Variants in DIS3L2 observed in about 807,000 individuals in gnomAD.
DIS3L2 encodes DIS3 like 3'-5' exoribonuclease 2.
In DIS3L2, 34 loss-of-function variants were observed where a neutral mutation model predicts 97.5. The observed-to-expected ratio is 0.35, with a 90% CI of 0.27 to 0.46. DIS3L2 has a LOEUF of 0.46. DIS3L2 is among the 20% of genes least tolerant of loss of function. The pLI, the probability that DIS3L2 is intolerant of heterozygous loss-of-function variation, is 1.00. For missense variants in DIS3L2, 1,038 were observed against 1,146.0 expected (o/e 0.91, Z 1.36); for synonymous variants, 435 against 445.2 (o/e 0.98, Z 0.29).
At chr2:232,335,087 A>C (rs543392575) in intron 19 of DIS3L2, 4 of 246,774 alleles carry the variant, frequency 1.6e-5, no homozygotes, top group Non-Finnish European at 3.2e-5. Context: ...GTGTCCCCTG[A>C]AGACAAGGAA....
At chr2:232,080,258 A>T (rs1296253944) in intron 5 of DIS3L2, among the ~76,000 whole-genome samples, 1 of 152,044 alleles carries the variant, frequency 6.6e-6, no homozygotes, top group Admixed American at 6.5e-5. Flanking sequence ...CTGCTGAGAG[A>T]GTGTGCTGGG....
chr2:232,060,506 G>T (rs1340389489), intron 5 of DIS3L2, among the ~76,000 whole-genome samples: 2 of 151,968 alleles, frequency 1.3e-5, no homozygotes, highest in African/African-American at 4.8e-5. Context: ...TCTCTATTCT[G>T]TTCTCTATGT....
At chr2:232,085,071 T>G (rs1041554021) in intron 5 of DIS3L2, among the ~76,000 whole-genome samples, 12 of 152,194 alleles carry the variant, frequency 7.9e-5, no homozygotes, top group Non-Finnish European at 1.8e-4. Context: ...TTGTGTTACT[T>G]TTAATTAGAA....
In DIS3L2 at chr2:232,023,966, A is replaced by G. The variant is rs3116228; in HGVS notation, c.211-311A>G. Among the ~76,000 whole-genome samples the G allele has an allele frequency of 0.78, 118,183 of 152,050 alleles. 46,544 individuals are homozygous for G. Among genetic ancestry groups the G allele is most frequent in the African/African-American group, 0.89 (36,995 of 41,498 alleles). ...TTGTAAAGTCAAGGTTTAAATTTGA[A>G]GACTAGCATATAGGGGCATCTAAAA... On this transcript the variant is annotated intron_variant, in intron 3 of 20. Coordinates refer to ENST00000325385, the MANE Select transcript of DIS3L2 (RefSeq NM_152383.5).
intron 5 of DIS3L2, among the ~76,000 whole-genome samples, chr2:232,054,344 A>C (rs184709422): frequency 1.3e-5 from 2 of 152,242 alleles, no homozygotes; most frequent in Non-Finnish European, 2.9e-5. Context: ...AAATGGATCC[A>C]TAGAGGCTTA....
chr2:232,160,610 T>C (rs563534340), intron 8 of DIS3L2, among the ~76,000 whole-genome samples: 1 of 152,222 alleles, frequency 6.6e-6, no homozygotes, highest in South Asian at 2.1e-4. Context: ...GTGTGGTGGC[T>C]CAAAGCTGTA....
At chr2:232,282,680 G>A (rs773468245) in intron 13 of DIS3L2, among the ~76,000 whole-genome samples, 4 of 152,196 alleles carry the variant, frequency 2.6e-5, no homozygotes, top group Non-Finnish European at 5.9e-5. Flanking sequence ...TATCCATGCA[G>A]CACCTAATTC....
At chr2:231,963,214 C>G (rs1272285001) in intron 1 of DIS3L2, among the ~76,000 whole-genome samples, 3 of 152,140 alleles carry the variant, frequency 2.0e-5, no homozygotes, top group South Asian at 2.1e-4. Context: ...TTAAATGTTC[C>G]CTTTCCAAGG....
chr2:232,044,025 A>G (rs180906362), intron 5 of DIS3L2, among the ~76,000 whole-genome samples: 37 of 152,340 alleles, frequency 2.4e-4, no homozygotes, highest in Admixed American at 1.7e-3. Flanking sequence ...TTGGAAAACT[A>G]CAGATATTAT....
chr2:232,040,362 A>C (rs1262912063), intron 5 of DIS3L2, among the ~76,000 whole-genome samples: 1 of 152,094 alleles, frequency 6.6e-6, no homozygotes, highest in African/African-American at 2.4e-5. Context: ...AACTCTTCTG[A>C]GGATCCTGCC....
intron 10 of DIS3L2, among the ~76,000 whole-genome samples, chr2:232,231,155 T>C (rs907299272): frequency 3.9e-5 from 6 of 152,222 alleles, no homozygotes; most frequent in African/African-American, 1.2e-4. Context: ...CCCACTAGAC[T>C]GGAAGCTTGA....
chr2:232,059,891 G>A (rs1695654912), intron 5 of DIS3L2, among the ~76,000 whole-genome samples: 1 of 152,046 alleles, frequency 6.6e-6, no homozygotes, highest in Admixed American at 6.6e-5. Flanking sequence ...ATATTGGACT[G>A]GGCACCTAGG....
Position 232,037,364 on chromosome 2 carries a change from C to A in DIS3L2, c.366+7284C>A, listed in dbSNP as rs3100609. ...GGGGAAAACCGCCTACTTAAGCCTC[C>A]GTAATGGCAGACGCCCCTCCCCACC... On this transcript the variant is annotated intron_variant, in intron 5 of 20. Transcript: ENST00000325385. The surrounding 1 kb of genome is among the most constrained non-coding windows in gnomAD (Gnocchi z 4.6). 0.93 allele frequency among the ~76,000 whole-genome samples: 141,652 copies of A among 152,244 alleles called. 65,979 individuals carry two copies. Among genetic ancestry groups the A allele is most frequent in the East Asian group, 1 (5,150 of 5,166 alleles).
chr2:232,082,085 C>T (rs574862108), intron 5 of DIS3L2, among the ~76,000 whole-genome samples: 27 of 152,244 alleles, frequency 1.8e-4, no homozygotes, highest in Admixed American at 1.5e-3. Flanking sequence ...CCACCGTGCC[C>T]GGCCTCACAT....
At chr2:232,082,915 G>A (rs1399233194) in intron 5 of DIS3L2, among the ~76,000 whole-genome samples, 1 of 152,170 alleles carries the variant, frequency 6.6e-6, no homozygotes, top group Non-Finnish European at 1.5e-5. Context: ...CCACGTGGCT[G>A]GGGAGGCCTT....
chr2:232,333,227 GCCTCCTCCTCCTCCT>G (rs1170491432), intron 16 of DIS3L2, among the ~76,000 whole-genome samples: 8 of 24,224 alleles, frequency 3.3e-4, no homozygotes, highest in African/African-American at 2.4e-3. Context: ...CTCCGCTGTC[GCCTCCTCCTCCTCCT>G]CCTCCTCCTC....
chr2:232,333,927 A>G lies in DIS3L2; in HGVS notation c.2098A>G (p.Thr700Ala). The part of the protein sequence containing the change: ...ALNVPLYTHF[T>A]SPIRRFADVL... The stretch of plus-strand genomic sequence containing the variant: ...CAATGTGCCCCTGTACACACACTTC[A>G]CCTCGCCCATCCGCCGCTTTGCCGA... Residue 700 changes from threonine (T) to alanine (A), a missense_variant, in exon 17 of 21, where the codon ACC becomes GCC. By Grantham distance (58) the Thr-to-Ala change is moderately conservative. Coordinates refer to ENST00000325385, the MANE Select transcript of DIS3L2 (RefSeq NM_152383.5). The G allele has an allele frequency of 6.2e-7, 1 of 1,612,032 alleles. No individual in the cohort carries two copies. The highest frequency in any genetic ancestry group is 8.5e-7 in the Non-Finnish European group (1 of 1,179,694).
At chr2:232,335,991 C>A in intron 20 of DIS3L2, 117 bp downstream of exon 20, 1 of 1,529,368 alleles carries the variant, frequency 6.5e-7, no homozygotes, top group South Asian at 1.2e-5. Context: ...TGCAGCCTCC[C>A]GGGTGGGGTT....
At position 232,334,007 on chromosome 2, in the gene DIS3L2, T is replaced by C; in HGVS notation, c.2158+20T>C. On this transcript the variant is annotated intron_variant, in intron 17 of 20. Transcript: ENST00000325385. ...CGTTAGGTGAGGGGTGCAGTCGGGGTCAGGGCAGACCTGGGCCAGCTCAGG... is the reference window on the plus strand; with the variant it reads ...CGTTAGGTGAGGGGTGCAGTCGGGGCCAGGGCAGACCTGGGCCAGCTCAGG... The C allele has an allele frequency of 6.2e-7, 1 of 1,600,690 alleles. No individual in the cohort carries two copies. Among genetic ancestry groups the C allele is most frequent in the African/African-American group, 1.3e-5 (1 of 74,956 alleles).
Sources: gnomAD v4.1 joint callset for allele counts (sites outside exome capture counted in the v4.1 genomes callset) on GRCh38, gnomAD v4.1.1 for gene constraint, Gnocchi (gnomAD v3.1) non-coding constraint, MANE v1.5 for transcripts, NCBI Gene and HGNC (gene_info 2026-07-23, HGNC 2026-07-21) for gene names.